The following FARP1 variants were observed in gnomAD, a reference collection of about 807,000 sequenced individuals.
FARP1 encodes FERM, ARHGEF and pleckstrin domain-containing protein 1.
Under a neutral mutation model 128.8 loss-of-function variants are expected in FARP1, and 52 were observed. The ratio of observed to expected loss-of-function variants is 0.40; its 90% confidence interval spans 0.32 to 0.51. The LOEUF (loss-of-function observed/expected upper bound fraction) is 0.51. Among genes scored for constraint, FARP1 ranks in the 20% least tolerant of loss-of-function variants. The pLI, the probability that FARP1 is intolerant of heterozygous loss-of-function variation, is 0.45. For missense variants in FARP1, 1,333 were observed against 1,367.9 expected (o/e 0.97, Z 0.40); for synonymous variants, 580 against 551.8 (o/e 1.05, Z -0.72).
At chr13:98,236,133 T>G (rs1235905522) in intron 2 of FARP1, among the ~76,000 whole-genome samples, 4 of 152,240 alleles carry the variant, frequency 2.6e-5, no homozygotes, top group Non-Finnish European at 5.9e-5. Flanking sequence ...TGTGACTGGC[T>G]TCTTTTCTAG....
At chr13:98,179,930 C>G (rs1343636200) in intron 1 of FARP1, among the ~76,000 whole-genome samples, 2 of 152,102 alleles carry the variant, frequency 1.3e-5, no homozygotes, top group African/African-American at 2.4e-5. Context: ...CTGATTCCCA[C>G]CTTTGGTTGT....
intron 2 of FARP1, among the ~76,000 whole-genome samples, chr13:98,290,937 G>A (rs1885420626): frequency 6.6e-6 from 1 of 152,144 alleles, no homozygotes; most frequent in African/African-American, 2.4e-5. Flanking sequence ...TACTTTCTTT[G>A]CTCCATATGA....
At chr13:98,329,113 A>G (rs1887370659) in intron 2 of FARP1, 1 of 152,202 alleles carries the variant, frequency 6.6e-6, no homozygotes, top group Non-Finnish European at 1.5e-5. Flanking sequence ...TGCCTATCAC[A>G]GCTTGTGATG....
At chr13:98,287,127 A>G (rs1184242864) in intron 2 of FARP1, among the ~76,000 whole-genome samples, 1 of 148,958 alleles carries the variant, frequency 6.7e-6, no homozygotes, top group African/African-American at 2.5e-5. Flanking sequence ...TTTTCCTTTC[A>G]TCTTCCAAAT....
intron 6 of FARP1, chr13:98,383,663 A>G (rs1351219317): frequency 1.3e-5 from 2 of 152,230 alleles, no homozygotes; most frequent in Admixed American, 1.3e-4. Context: ...GTTATACAGT[A>G]TATGTGATAC....
intron 2 of FARP1, among the ~76,000 whole-genome samples, chr13:98,281,364 C>T (rs1172360501): frequency 8.2e-6 from 1 of 122,210 alleles, no homozygotes; most frequent in East Asian, 2.3e-4. Flanking sequence ...AAGACTCTGT[C>T]TTGGAGGGAA....
At chr13:98,163,784 C>G (rs1284728833) in intron 1 of FARP1, among the ~76,000 whole-genome samples, 1 of 151,880 alleles carries the variant, frequency 6.6e-6, no homozygotes, top group African/African-American at 2.4e-5. Flanking sequence ...TCTCAGCTCA[C>G]TGCAACCTCT....
chr13:98,311,875 G>T (rs1014251774), intron 2 of FARP1, among the ~76,000 whole-genome samples: 1 of 149,254 alleles, frequency 6.7e-6, no homozygotes, highest in African/African-American at 2.5e-5. Context: ...ACGGAGTCTC[G>T]CTCTGTCACC....
Position 98,365,422 on chromosome 13 carries a change from G to A in FARP1, c.304G>A (p.Val102Met), listed in dbSNP as rs188276647. The A allele has an allele frequency of 5.0e-6, 8 of 1,609,716 alleles. No homozygotes were observed. In the East Asian group the frequency reaches 1.8e-4, roughly 36 times the overall value. The change falls in exon 4 of 27, where the codon GTG (valine) becomes ATG (methionine). Residue 102 changes from valine to methionine, a missense_variant. Physicochemically the swap from Val to Met is conservative, Grantham distance 21. Around this residue, in one of 2 missense-constraint regions of FARP1, gnomAD observed 324 missense variants for 398.1 expected, o/e 0.81. Transcript: ENST00000319562. ...GTGGCTGGATCTCCTAAAACCCATTGTGAAACAGATTAGAAGTGAGTATAT... is the reference window on the plus strand; with the variant it reads ...GTGGCTGGATCTCCTAAAACCCATTATGAAACAGATTAGAAGTGAGTATAT... ...TVWLDLLKPI[V>M]KQIRRPKHVV...
chr13:98,252,326 T>G (rs530526304), intron 2 of FARP1, among the ~76,000 whole-genome samples: 2 of 152,322 alleles, frequency 1.3e-5, no homozygotes, highest in South Asian at 4.1e-4. Flanking sequence ...TCAGTGCATG[T>G]GATGTGACTC....
At chr13:98,251,294 A>G (rs2139491635) in intron 2 of FARP1, among the ~76,000 whole-genome samples, 1 of 152,306 alleles carries the variant, frequency 6.6e-6, no homozygotes. Flanking sequence ...CACAGTTCAT[A>G]TCTTCTGCCT....
chr13:98,452,186 A>G lies in FARP1; in HGVS notation c.*3869A>G, dbSNP rs980509480. ...AGCGTGTTATAAAATTTATTTGTGT[A>G]AGCATTCAGACATTTTTAGGTGGGA... On this transcript the variant is annotated 3_prime_UTR_variant, in exon 27 of 27. Coordinates refer to ENST00000319562, the MANE Select transcript of FARP1 (RefSeq NM_005766.4). The G allele has an allele frequency of 2.0e-5, 3 of 152,234 alleles. No individual in the cohort carries two copies. Among genetic ancestry groups the G allele is most frequent in the Non-Finnish European group, 2.9e-5 (2 of 68,046 alleles). 9.4% of individuals were successfully genotyped at this position (152,234 alleles called of 1,614,324 possible).
At chr13:98,171,467 GCTTT>G (rs769304802) in intron 1 of FARP1, among the ~76,000 whole-genome samples, 8 of 152,086 alleles carry the variant, frequency 5.3e-5, no homozygotes, top group Non-Finnish European at 1.0e-4. Context: ...CCTCTCTCTT[GCTTT>G]CTGTCACCCA....
At chr13:98,188,492 T>C (rs1594248070) in intron 1 of FARP1, among the ~76,000 whole-genome samples, 1 of 151,078 alleles carries the variant, frequency 6.6e-6, no homozygotes, top group Non-Finnish European at 1.5e-5. Context: ...ATCCTGGAGG[T>C]GGAGGTTGCA....
At chr13:98,334,925 T>A (rs1372583205) in intron 2 of FARP1, among the ~76,000 whole-genome samples, 3 of 152,212 alleles carry the variant, frequency 2.0e-5, no homozygotes, top group Non-Finnish European at 4.4e-5. Context: ...TTCTATTGTT[T>A]AAGCCACCCA....
At chr13:98,424,736 C>A in intron 17 of FARP1, 86 bp downstream of exon 17, 2 of 854,962 alleles carry the variant, frequency 2.3e-6, no homozygotes, top group South Asian at 2.8e-5. Flanking sequence ...AAGCCATTTC[C>A]ATCAGCATGC....
intron 2 of FARP1, among the ~76,000 whole-genome samples, chr13:98,283,484 CAG>C (rs1429502568): frequency 1.3e-5 from 2 of 152,182 alleles, no homozygotes; most frequent in African/African-American, 2.4e-5. Context: ...GGATAATAAA[CAG>C]AGGCTACCAA....
At chr13:98,231,073 G>A (rs1882083898) in intron 2 of FARP1, among the ~76,000 whole-genome samples, 1 of 152,110 alleles carries the variant, frequency 6.6e-6, no homozygotes, top group African/African-American at 2.4e-5. Context: ...CCATAATTCA[G>A]TTATCTCCAC....
At chr13:98,382,972 T>A (rs1031292714) in intron 6 of FARP1, among the ~76,000 whole-genome samples, 3 of 152,186 alleles carry the variant, frequency 2.0e-5, no homozygotes. Context: ...ATGAGCTCAA[T>A]GTGAAGAAAT....
Sources: allele counts gnomAD v4.1 joint callset (sites outside exome capture counted in the v4.1 genomes callset), GRCh38; gene constraint gnomAD v4.1.1; regional missense constraint gnomAD v4.1.1; transcripts MANE v1.5; gene names NCBI Gene and HGNC (gene_info 2026-07-23, HGNC 2026-07-21).